B4GALT6: variants seen among roughly 807,000 people sequenced by gnomAD.
The protein encoded by B4GALT6 is beta-1,4-galactosyltransferase 6.
A neutral mutation model predicts 46.3 loss-of-function variants in B4GALT6; 14 were observed. That is an observed-to-expected ratio of 0.30 (90% CI 0.20 to 0.47). The LOEUF (loss-of-function observed/expected upper bound fraction) is 0.47, where lower values mean the gene tolerates loss of function less well. B4GALT6 is among the 20% of genes least tolerant of loss of function. The probability of loss-of-function intolerance (pLI) is 0.99; values close to 1 mark genes in which losing one functional copy is unlikely to be tolerated. For synonymous variants in B4GALT6, 168 were observed against 162.0 expected (o/e 1.04, Z -0.28); for missense variants, 386 against 480.1 (o/e 0.80, Z 1.83).
At position 31,625,705 on chromosome 18, in the gene B4GALT6, A is replaced by G; in HGVS notation, c.1058T>C (p.Leu353Ser). The change falls in exon 9 of 9, where the codon TTA (leucine) becomes TCA (serine). Residue 353 changes from leucine to serine, a missense_variant. Physicochemically the swap from Leu to Ser is moderately radical, Grantham distance 145. Around this residue, in one of 2 missense-constraint regions of B4GALT6, gnomAD observed 323 missense variants for 438.9 expected, o/e 0.74. Coordinates refer to ENST00000306851, the MANE Select transcript of B4GALT6 (RefSeq NM_004775.5). The part of the protein sequence containing the change: ...ERQYIDGLNN[L>S]IYRPKILVDR... Reference sequence around the variant, plus strand: ...AACCAGTATTTTTGGCCTATATATTAAATTGTTCAGTCCATCGATGTACTG... The same window carrying G: ...AACCAGTATTTTTGGCCTATATATTGAATTGTTCAGTCCATCGATGTACTG... 6.2e-7 allele frequency: 1 copy of G among 1,613,590 alleles called. No individual in the cohort carries two copies. Among genetic ancestry groups the G allele is most frequent in the Non-Finnish European group, 8.5e-7 (1 of 1,179,756 alleles).
intron 1 of B4GALT6, among the ~76,000 whole-genome samples, chr18:31,676,795 C>T (rs2074419802): frequency 6.6e-6 from 1 of 152,140 alleles, no homozygotes; most frequent in Non-Finnish European, 1.5e-5. Flanking sequence ...GCAGAAACAT[C>T]TGGGTACGTG....
At chr18:31,670,967 G>C (rs187066155) in intron 1 of B4GALT6, among the ~76,000 whole-genome samples, 1 of 151,644 alleles carries the variant, frequency 6.6e-6, no homozygotes, top group Non-Finnish European at 1.5e-5. Flanking sequence ...TGTTCTCATT[G>C]TTCAACTCCC....
At chr18:31,639,725 GA>G (rs1439094287) in intron 4 of B4GALT6, among the ~76,000 whole-genome samples, 3 of 152,078 alleles carry the variant, frequency 2.0e-5, no homozygotes, top group African/African-American at 7.2e-5. Flanking sequence ...ACATGGAAAT[GA>G]AAATAGTTTC....
At chr18:31,637,047 C>A (rs2073868269) in intron 5 of B4GALT6, among the ~76,000 whole-genome samples, 1 of 152,156 alleles carries the variant, frequency 6.6e-6, no homozygotes, top group Non-Finnish European at 1.5e-5. Flanking sequence ...TCTTGAACTC[C>A]TGACCATGTG....
upstream of B4GALT6, chr18:31,684,864 G>T: frequency 1.3e-6 from 1 of 761,534 alleles, no homozygotes; most frequent in Non-Finnish European, 1.6e-6. Context: ...CGCTGCCCGC[G>T]CCCGGCGGGG....
intron 1 of B4GALT6, among the ~76,000 whole-genome samples, chr18:31,668,569 T>G (rs1441049604): frequency 6.6e-6 from 1 of 152,186 alleles, no homozygotes; most frequent in Non-Finnish European, 1.5e-5. Flanking sequence ...GCCATCTATG[T>G]TTTTGTTCTT....
At chr18:31,651,888 A>G (rs773167066) in intron 3 of B4GALT6, among the ~76,000 whole-genome samples, 15 of 151,976 alleles carry the variant, frequency 9.9e-5, no homozygotes, top group Non-Finnish European at 1.9e-4. Flanking sequence ...CTCCTGCCTC[A>G]GCCTCCCCAG....
chr18:31,713,847 C>T, the B4GALT6 span, among the ~76,000 whole-genome samples: 2 of 152,054 alleles, frequency 1.3e-5, no homozygotes, highest in Non-Finnish European at 1.5e-5. Flanking sequence ...CTGACAAGCT[C>T]GAGTTAATTG....
chr18:31,627,132 AAGAC>A lies in B4GALT6; in HGVS notation c.777-15_777-12del, dbSNP rs752966754. The A allele has an allele frequency of 1.6e-5, 25 of 1,585,350 alleles. No individual in the cohort carries two copies. Among genetic ancestry groups the A allele is most frequent in the Non-Finnish European group, 2.0e-5 (23 of 1,169,714 alleles). On this transcript the variant is annotated splice_polypyrimidine_tract_variant and intron_variant, in intron 6 of 8. Coordinates refer to ENST00000306851, the MANE Select transcript of B4GALT6 (RefSeq NM_004775.5). Reference sequence around the variant, plus strand: ...TCTTTATATGGAAGACTAGAAAAGAAAGACACAGTATTCTAAAAATAAAATCATA... The same window carrying A: ...TCTTTATATGGAAGACTAGAAAAGAAACAGTATTCTAAAAATAAAATCATA...
chr18:31,706,254 A>G, the B4GALT6 span, among the ~76,000 whole-genome samples: 1 of 152,116 alleles, frequency 6.6e-6, no homozygotes, highest in African/African-American at 2.4e-5. Context: ...AGGCAAGAGG[A>G]GTATATATAA....
At chr18:31,697,139 G>A in the B4GALT6 span, among the ~76,000 whole-genome samples, 1 of 152,134 alleles carries the variant, frequency 6.6e-6, no homozygotes, top group Non-Finnish European at 1.5e-5. Flanking sequence ...GGGCATGGTG[G>A]TGTGCACCTG....
At chr18:31,690,612 AG>A (rs1353062694), upstream of B4GALT6, among the ~76,000 whole-genome samples, 1 of 151,846 alleles carries the variant, frequency 6.6e-6, no homozygotes, top group Non-Finnish European at 1.5e-5. Flanking sequence ...CTGGGATTAC[AG>A]GCACCCACCA....
At chr18:31,684,837 T>A, upstream of B4GALT6, 1 of 905,668 alleles carries the variant, frequency 1.1e-6, no homozygotes, top group Non-Finnish European at 1.3e-6. Context: ...GGCAGCTAAC[T>A]GCAGCACGCC....
intron 1 of B4GALT6, among the ~76,000 whole-genome samples, chr18:31,674,932 GA>G (rs1472144472): frequency 6.6e-6 from 1 of 151,994 alleles, no homozygotes; most frequent in Non-Finnish European, 1.5e-5. Flanking sequence ...TGAACTCAAG[GA>G]AATCTGCAGT....
chr18:31,722,098 C>T, the B4GALT6 span, among the ~76,000 whole-genome samples: 355 of 152,184 alleles, frequency 2.3e-3, 2 homozygotes, highest in Non-Finnish European at 3.6e-3. Flanking sequence ...ATTAAATGCC[C>T]TTTACTGAAG....
At chr18:31,709,228 GTA>G in the B4GALT6 span, among the ~76,000 whole-genome samples, 3 of 150,932 alleles carry the variant, frequency 2.0e-5, no homozygotes, top group African/African-American at 7.4e-5. Flanking sequence ...TCAAATTTAT[GTA>G]TTTTTTTTTT....
chr18:31,665,040 C>G (rs995035373), intron 2 of B4GALT6, among the ~76,000 whole-genome samples: 4 of 152,162 alleles, frequency 2.6e-5, no homozygotes, highest in African/African-American at 9.7e-5. Context: ...ATCAATATGT[C>G]ACAGTCTTGA....
At chr18:31,640,298 A>G (rs1260705773) in intron 4 of B4GALT6, among the ~76,000 whole-genome samples, 2 of 152,218 alleles carry the variant, frequency 1.3e-5, no homozygotes, top group Non-Finnish European at 2.9e-5. Context: ...TAAGTTTTGC[A>G]CCTAATCCTT....
chr18:31,701,230 G>T, the B4GALT6 span, among the ~76,000 whole-genome samples: 1 of 152,092 alleles, frequency 6.6e-6, no homozygotes, highest in African/African-American at 2.4e-5. Context: ...TCTTGTGGTG[G>T]TGAGTGAGTA....
Sources: gnomAD v4.1 joint callset for allele counts (sites outside exome capture counted in the v4.1 genomes callset) on GRCh38, gnomAD v4.1.1 for gene constraint, gnomAD v4.1.1 regional missense constraint, MANE v1.5 for transcripts, NCBI Gene and HGNC (gene_info 2026-07-23, HGNC 2026-07-21) for gene names.